SYNM: variants seen among roughly 807,000 people sequenced by gnomAD.
SYNM encodes desmuslin.
SYNM carries 95 observed loss-of-function variants against 104.0 expected under a neutral mutation model. The observed-to-expected ratio is 0.91, with a 90% CI of 0.77 to 1.08. SYNM has a LOEUF of 1.08. Ranked by LOEUF, SYNM falls within the 50% of genes least tolerant of loss-of-function variation. The pLI, the probability that SYNM is intolerant of heterozygous loss-of-function variation, is 0.00. For synonymous variants in SYNM, 918 were observed against 869.0 expected, an observed-to-expected ratio of 1.06 and a Z score of -0.99; for missense variants, 2,150 against 2,052.2, an observed-to-expected ratio of 1.05 and a Z score of -0.92.
At chr15:99,141,446 G>A in the SYNM span, among the ~76,000 whole-genome samples, 1 of 152,134 alleles carries the variant, frequency 6.6e-6, no homozygotes. Context: ...GATGGGGTAG[G>A]TATAGAGGGG....
chr15:99,131,961 G>A lies in SYNM; in HGVS notation c.3601G>A (p.Gly1201Ser). ...GPAPACPEAW[G>S]SPEPGPAESS... ...TGCCCCTGCCTGTCCAGAGGCATGGGGCTCGCCAGAACCTGGCCCAGCAGA... is the reference window on the plus strand; with the variant it reads ...TGCCCCTGCCTGTCCAGAGGCATGGAGCTCGCCAGAACCTGGCCCAGCAGA... The change falls in exon 4 of 4, where the codon GGC becomes AGC. Residue 1201 changes from glycine to serine, a missense_variant. Transcript: ENST00000336292. The surrounding 1 kb of genome is among the most constrained non-coding windows in gnomAD (Gnocchi z 4.3). The A allele has an allele frequency of 6.2e-7, 1 of 1,613,890 alleles. No individual in the cohort carries two copies.
At chr15:99,112,796 C>T (rs537626942) in intron 1 of SYNM, among the ~76,000 whole-genome samples, 4 of 152,266 alleles carry the variant, frequency 2.6e-5, no homozygotes, top group African/African-American at 7.2e-5. Context: ...CTGCAACCTC[C>T]GCCTACTGAG....
Position 99,119,501 on chromosome 15 carries a change from G to T in SYNM, c.935+5786G>T, listed in dbSNP as rs2067380396. Among the ~76,000 whole-genome samples the T allele has an allele frequency of 2.0e-5, 3 of 152,252 alleles. No individual in the cohort carries two copies. In the South Asian group the frequency reaches 6.2e-4, roughly 32 times the overall value. ...AGATGAAGGATGGGTTGATGGAGGA[G>T]AGGGGAAGCAGTCACAGTGGGAGGC... On this transcript the variant is annotated intron_variant, in intron 2 of 3. Coordinates refer to ENST00000336292, the MANE Select transcript of SYNM (RefSeq NM_145728.3).
chr15:99,120,946 C>T (rs782261199), intron 2 of SYNM, among the ~76,000 whole-genome samples: 1 of 152,154 alleles, frequency 6.6e-6, no homozygotes, highest in Admixed American at 6.5e-5. Flanking sequence ...CGATGGTTCA[C>T]TGCCCCCTAA....
chr15:99,129,986 G>A lies in SYNM; in HGVS notation c.1626G>A (p.Leu542=). 1 of 1,612,414 alleles carries A rather than the reference G, an allele frequency of 6.2e-7. No homozygotes were observed. The highest frequency in any genetic ancestry group is 8.5e-7 in the Non-Finnish European group (1 of 1,179,142). The change falls in exon 4 of 4, where the codon TTG becomes TTA. Residue 542 remains leucine, a synonymous_variant. Coordinates refer to ENST00000336292, the MANE Select transcript of SYNM (RefSeq NM_145728.3). ...SEERNLRWEE[L]TKLDKEARQR... Reference sequence around the variant, plus strand: ...AGAGAAACCTAAGATGGGAAGAATTGACAAAGTTAGATAAGGAAGCGAGAC... The same window carrying A: ...AGAGAAACCTAAGATGGGAAGAATTAACAAAGTTAGATAAGGAAGCGAGAC...
At chr15:99,107,099 A>T (rs1317446361) in intron 1 of SYNM, among the ~76,000 whole-genome samples, 1 of 152,250 alleles carries the variant, frequency 6.6e-6, no homozygotes, top group Non-Finnish European at 1.5e-5. Flanking sequence ...AAAGAGCTAC[A>T]GGCTAGATGG....
In SYNM at chr15:99,105,892, G is replaced by C. The variant is rs782484171; in HGVS notation, c.693G>C (p.Ala231=). 4.0e-5 allele frequency: 62 copies of C among 1,537,902 alleles called. No individual in the cohort carries two copies. The highest frequency in any genetic ancestry group is 5.4e-5 in the Non-Finnish European group (62 of 1,145,744). Residue 231 remains alanine, a synonymous_variant, in exon 1 of 4, where the codon GCG becomes GCC. Coordinates refer to ENST00000336292, the MANE Select transcript of SYNM (RefSeq NM_145728.3). ...LQAEEETRLC[A]QEAEALRREA... Reference sequence around the variant, plus strand: ...CGGAGGAAGAGACGCGGCTGTGCGCGCAGGAGGCAGAGGCGCTGCGGCGCG... The same window carrying C: ...CGGAGGAAGAGACGCGGCTGTGCGCCCAGGAGGCAGAGGCGCTGCGGCGCG...
At chr15:99,116,846 C>A (rs1228017644) in intron 2 of SYNM, among the ~76,000 whole-genome samples, 1 of 143,148 alleles carries the variant, frequency 7.0e-6, no homozygotes, top group African/African-American at 2.5e-5. Flanking sequence ...CTGGCTAATT[C>A]TTGTATTTTT....
At chr15:99,121,899 G>A (rs1005350690) in intron 2 of SYNM, among the ~76,000 whole-genome samples, 10 of 152,190 alleles carry the variant, frequency 6.6e-5, no homozygotes, top group African/African-American at 2.2e-4. Flanking sequence ...CAGACAACGC[G>A]GTCTCTGTAA....
intron 1 of SYNM, among the ~76,000 whole-genome samples, chr15:99,106,767 CTA>C (rs143465723): frequency 0.068 from 10,339 of 152,302 alleles, 386 homozygotes; most frequent in Admixed American, 0.11. Flanking sequence ...CTGATGTAAA[CTA>C]TGCCCAGTCC....
chr15:99,124,462 A>G (rs2067429863), intron 2 of SYNM, among the ~76,000 whole-genome samples: 1 of 152,226 alleles, frequency 6.6e-6, no homozygotes, highest in African/African-American at 2.4e-5. Context: ...GGATCCGGCC[A>G]TTGAGAAGGG....
chr15:99,113,829 A>G, intron 2 of SYNM, 114 bp downstream of exon 2: 1 of 1,450,386 alleles, frequency 6.9e-7, no homozygotes, highest in Non-Finnish European at 9.2e-7. Context: ...CTTTGTGACA[A>G]GCAGAGAGCA....
chr15:99,130,781 G>T lies in SYNM; in HGVS notation c.2421G>T (p.Gln807His), dbSNP rs782534792. The T allele has an allele frequency of 6.2e-7, 1 of 1,614,008 alleles. No homozygotes were observed. The highest frequency in any genetic ancestry group is 8.5e-7 in the Non-Finnish European group (1 of 1,179,890). ...TTAATCAGCATCGAAGGACCAAGCAGCCTCAGGAGAACACGACTCACGTGG... is the reference window on the plus strand; with the variant it reads ...TTAATCAGCATCGAAGGACCAAGCATCCTCAGGAGAACACGACTCACGTGG... ...FSVNQHRRTK[Q>H]PQENTTHVEE... is the part of the protein sequence containing the mutation. Residue 807 changes from glutamine (Q) to histidine (H), a missense_variant, in exon 4 of 4, where the codon CAG (glutamine) becomes CAT (histidine). Coordinates refer to ENST00000336292, the MANE Select transcript of SYNM (RefSeq NM_145728.3).
At chr15:99,117,050 G>C (rs2067356207) in intron 2 of SYNM, among the ~76,000 whole-genome samples, 1 of 144,110 alleles carries the variant, frequency 6.9e-6, no homozygotes, top group Non-Finnish European at 1.5e-5. Context: ...TGAGAGGACA[G>C]CACGAAGCCA....
At chr15:99,135,954 A>AAAACCAGGACTGTCCTGGGC (rs2067573943), downstream of SYNM, among the ~76,000 whole-genome samples, 3 of 152,236 alleles carry the variant, frequency 2.0e-5, no homozygotes, top group Admixed American at 1.3e-4. Flanking sequence ...TTTGAGTGCT[A>AAAACCAGGACTGTCCTGGGC]AAACCAGGAC....
chr15:99,111,004 G>A (rs371057182), intron 1 of SYNM, among the ~76,000 whole-genome samples: 2 of 152,210 alleles, frequency 1.3e-5, no homozygotes, highest in Admixed American at 6.5e-5. Context: ...GCTTCCAAAC[G>A]TCAACTAATT....
chr15:99,106,103 G>A, intron 1 of SYNM, 94 bp downstream of exon 1: 1 of 1,290,252 alleles, frequency 7.8e-7, no homozygotes, highest in Non-Finnish European at 9.9e-7. Flanking sequence ...CCCTTCACCA[G>A]GGGCGCGGCG....
At position 99,129,956 on chromosome 15, in the gene SYNM, C is replaced by T. The variant is rs3134586; in HGVS notation, c.1596C>T (p.Ser532=). Residue 532 remains serine, a synonymous_variant, in exon 4 of 4, where the codon TCC becomes TCT. Coordinates refer to ENST00000336292, the MANE Select transcript of SYNM (RefSeq NM_145728.3). ...TGTTCGATTCTAAAGAGAAGGCTTC[C>T]GAGGAGAGAAACCTAAGATGGGAAG... ...EKMFDSKEKA[S]EERNLRWEEL... is the part of the protein sequence containing the mutation. The T allele has an allele frequency of 0.094, 151,234 of 1,611,056 alleles. 8,866 individuals carry two copies. The highest frequency in any genetic ancestry group is 0.32 in the East Asian group (14,217 of 44,760).
intron 2 of SYNM, among the ~76,000 whole-genome samples, chr15:99,125,125 G>A (rs987567566): frequency 7.9e-5 from 12 of 152,208 alleles, no homozygotes; most frequent in African/African-American, 2.4e-4. Context: ...GAGAGGCCCC[G>A]TGGTACCCGA....
Sources: allele counts gnomAD v4.1 joint callset (sites outside exome capture counted in the v4.1 genomes callset), GRCh38; gene constraint gnomAD v4.1.1; non-coding constraint Gnocchi (gnomAD v3.1); transcripts MANE v1.5; gene names NCBI Gene and HGNC (gene_info 2026-07-23, HGNC 2026-07-21).